The following KCNMA1 variants were observed in gnomAD, a reference collection of about 807,000 sequenced individuals.
KCNMA1 encodes Calcium-activated potassium channel subunit alpha-1.
KCNMA1 carries 29 observed loss-of-function variants against 140.0 expected under a neutral mutation model. That is an observed-to-expected ratio of 0.21 (90% confidence interval 0.15 to 0.28). KCNMA1 has a LOEUF of 0.28. Ranked by LOEUF, KCNMA1 falls within the 10% of genes least tolerant of loss-of-function variation. The pLI, the probability that KCNMA1 is intolerant of heterozygous loss-of-function variation, is 1.00. For missense variants in KCNMA1, 880 were observed against 1,602.2 expected (o/e 0.55, Z 7.70); for synonymous variants, 612 against 611.9 (o/e 1.00, Z 0.00).
At chr10:77,544,132 A>C (rs1228008804) in intron 1 of KCNMA1, among the ~76,000 whole-genome samples, 2 of 147,624 alleles carry the variant, frequency 1.4e-5, no homozygotes, top group Non-Finnish European at 3.0e-5. Flanking sequence ...TCAATCTGTG[A>C]TCTACATATC....
At chr10:77,461,297 T>C (rs1305713397) in intron 1 of KCNMA1, among the ~76,000 whole-genome samples, 1 of 151,754 alleles carries the variant, frequency 6.6e-6, no homozygotes, top group Non-Finnish European at 1.5e-5. Flanking sequence ...CTTAGACCAC[T>C]TCCAAGTTGC....
chr10:76,916,174 C>T (rs150887026), intron 23 of KCNMA1, among the ~76,000 whole-genome samples: 5 of 152,220 alleles, frequency 3.3e-5, no homozygotes, highest in African/African-American at 1.2e-4. Context: ...ATGTATATGC[C>T]ACCTGCTTAT....
Position 77,632,195 on chromosome 10 carries a change from C to T in KCNMA1, c.378+5070G>A, listed in dbSNP as rs554902041. Among the ~76,000 whole-genome samples, 4 of 152,268 alleles carry T rather than the reference C, an allele frequency of 2.6e-5. 1 individual carries two copies. The South Asian group carries it at 8.3e-4, about 32-fold the overall frequency. On this transcript the variant is annotated intron_variant, in intron 1 of 27. Transcript: ENST00000286628. ...AAGGGGAAGCTCAGCCACGCCATGC[C>T]TGCTGATTTTTTTTCACAAGGTAAT... is the stretch of plus-strand genomic sequence containing the variant.
chr10:77,481,466 C>T (rs778108893), intron 1 of KCNMA1, among the ~76,000 whole-genome samples: 2 of 151,998 alleles, frequency 1.3e-5, no homozygotes, highest in Non-Finnish European at 1.5e-5. Context: ...ATGATATTAA[C>T]AATTGTTTAG....
intron 18 of KCNMA1, among the ~76,000 whole-genome samples, chr10:77,005,273 C>T (rs1019231740): frequency 2.6e-5 from 4 of 152,186 alleles, no homozygotes; most frequent in Admixed American, 2.0e-4. Context: ...TCATGATCCA[C>T]AGCAGATGAT....
chr10:77,635,501 GTAAAC>G (rs773584209), intron 1 of KCNMA1: 8 of 152,206 alleles, frequency 5.3e-5, no homozygotes, highest in Non-Finnish European at 1.2e-4. Flanking sequence ...CTGAATCTCA[GTAAAC>G]CGGGGAACAA....
chr10:77,343,360 G>A (rs979056806), intron 2 of KCNMA1, among the ~76,000 whole-genome samples: 8 of 152,152 alleles, frequency 5.3e-5, no homozygotes, highest in Non-Finnish European at 1.2e-4. Context: ...AAGAAATTGA[G>A]GCACAGAGAG....
rs2096375757 is a variant in KCNMA1, at chr10:77,404,021, C to T, written c.381G>A (p.Glu127=). The part of the protein sequence containing the change: ...VCCHCGGKTK[E]AQKINNGSSQ... ...TTGAGCCATTGTTAATCTTCTGGGC[C>T]TCCTGGCAACAGAGAGAGCAAGAGT... Residue 127 remains glutamate, a splice_region_variant and synonymous_variant, in exon 2 of 28, where the codon GAG becomes GAA. Transcript: ENST00000286628. 4 of 1,614,064 alleles carry T rather than the reference C, an allele frequency of 2.5e-6. No individual in the cohort carries two copies. The highest frequency in any genetic ancestry group is 3.4e-6 in the Non-Finnish European group (4 of 1,179,994).
intron 15 of KCNMA1, among the ~76,000 whole-genome samples, chr10:77,035,850 C>T (rs1004720197): frequency 6.6e-6 from 1 of 152,140 alleles, no homozygotes; most frequent in East Asian, 1.9e-4. Context: ...CATAGCACTC[C>T]TATTTCAGAG....
intron 2 of KCNMA1, among the ~76,000 whole-genome samples, chr10:77,389,818 A>C (rs2095749770): frequency 1.3e-5 from 2 of 152,166 alleles, no homozygotes; most frequent in Admixed American, 6.5e-5. Flanking sequence ...GCAAAGAAGG[A>C]AAAGAATCAT....
chr10:77,399,855 G>A (rs543393436), intron 2 of KCNMA1, among the ~76,000 whole-genome samples: 13 of 152,186 alleles, frequency 8.5e-5, no homozygotes, highest in Admixed American at 2.6e-4. Context: ...AGTGAATAAC[G>A]GATGTGCTCG....
intron 2 of KCNMA1, among the ~76,000 whole-genome samples, chr10:77,300,120 G>T (rs1377756308): frequency 6.6e-6 from 1 of 152,206 alleles, no homozygotes; most frequent in African/African-American, 2.4e-5. Context: ...CACTTCCTAA[G>T]CCAGGTACCC....
chr10:77,106,273 A>AAG (rs892023228), intron 9 of KCNMA1, among the ~76,000 whole-genome samples: 18 of 151,682 alleles, frequency 1.2e-4, no homozygotes, highest in South Asian at 2.1e-4. Context: ...AAAAAAGAGA[A>AAG]AGAGAGAGAG....
At chr10:77,193,684 C>A (rs1167817776) in intron 3 of KCNMA1, among the ~76,000 whole-genome samples, 1 of 152,178 alleles carries the variant, frequency 6.6e-6, no homozygotes, top group African/African-American at 2.4e-5. Flanking sequence ...CATCCCCAGC[C>A]TCCCAGCACA....
chr10:77,637,047 G>C, intron 1 of KCNMA1: 1 of 1,390,820 alleles, frequency 7.2e-7, no homozygotes, highest in Non-Finnish European at 9.3e-7. Context: ...TCCGCGTCCC[G>C]GAGCGCACTG....
At chr10:77,269,463 C>T (rs1201310943) in intron 2 of KCNMA1, among the ~76,000 whole-genome samples, 1 of 152,198 alleles carries the variant, frequency 6.6e-6, no homozygotes. Context: ...CATTTCAATG[C>T]ACCATATCCT....
intron 22 of KCNMA1, 197 bp downstream of exon 22, chr10:76,948,945 C>A (rs1591657203): frequency 3.1e-6 from 2 of 635,666 alleles, no homozygotes; most frequent in East Asian, 5.5e-5. Context: ...CTGAACTTGG[C>A]TGCAAATTCC....
intron 2 of KCNMA1, among the ~76,000 whole-genome samples, chr10:77,281,045 T>G (rs2068379016): frequency 6.6e-6 from 1 of 152,164 alleles, no homozygotes; most frequent in South Asian, 2.1e-4. Context: ...AGAGGACTGA[T>G]GGAGAAAATA....
chr10:77,196,164 T>C (rs187984486), intron 3 of KCNMA1, among the ~76,000 whole-genome samples: 122 of 152,216 alleles, frequency 8.0e-4, no homozygotes, highest in African/African-American at 2.8e-3. Flanking sequence ...AAAACATCTC[T>C]GTGAGAGGCC....
Sources: gnomAD v4.1 joint callset for allele counts (sites outside exome capture counted in the v4.1 genomes callset) on GRCh38, gnomAD v4.1.1 for gene constraint, MANE v1.5 for transcripts, NCBI Gene and HGNC (gene_info 2026-07-23, HGNC 2026-07-21) for gene names.